The following CACNG3 variants were observed in gnomAD, a reference collection of about 807,000 sequenced individuals.
CACNG3 encodes calcium voltage-gated channel auxiliary subunit gamma 3, also known as voltage-dependent calcium channel gamma-3 subunit.
A neutral mutation model predicts 28.5 loss-of-function variants in CACNG3; 3 were observed. The ratio of observed to expected loss-of-function variants is 0.11; its 90% CI spans 0.05 to 0.27. The LOEUF (loss-of-function observed/expected upper bound fraction) is 0.27, where lower values mean the gene tolerates loss of function less well. Among genes scored for constraint, CACNG3 ranks in the 10% least tolerant of loss-of-function variants. The pLI, the probability that CACNG3 is intolerant of heterozygous loss-of-function variation, is 1.00. For synonymous variants in CACNG3, 174 were observed against 162.2 expected, an observed-to-expected ratio of 1.07 and a Z score of -0.55; for missense variants, 236 against 414.4, an observed-to-expected ratio of 0.57 and a Z score of 3.74.
At chr16:24,284,407 G>C (rs1898867707) in intron 1 of CACNG3, among the ~76,000 whole-genome samples, 1 of 152,044 alleles carries the variant, frequency 6.6e-6, no homozygotes, top group Non-Finnish European at 1.5e-5. Context: ...CCTTTTTCTA[G>C]AGTCATTTTT....
At chr16:24,338,055 G>T (rs575889806) in intron 1 of CACNG3, among the ~76,000 whole-genome samples, 2 of 152,114 alleles carry the variant, frequency 1.3e-5, no homozygotes, top group Non-Finnish European at 1.5e-5. Flanking sequence ...GCAGCTGATG[G>T]ACCCAGTGAA....
chr16:24,322,327 A>G (rs886429599), intron 1 of CACNG3, among the ~76,000 whole-genome samples: 1 of 152,168 alleles, frequency 6.6e-6, no homozygotes, highest in East Asian at 1.9e-4. Context: ...CTATCAGGTC[A>G]TTAGCGCCTC....
chr16:24,273,305 A>G (rs1817879054), intron 1 of CACNG3, among the ~76,000 whole-genome samples: 1 of 152,116 alleles, frequency 6.6e-6, no homozygotes, highest in Admixed American at 6.5e-5. Context: ...TTTATAATCT[A>G]TTGACTTCCT....
intron 1 of CACNG3, among the ~76,000 whole-genome samples, chr16:24,323,042 A>G (rs1217137131): frequency 6.6e-6 from 1 of 152,060 alleles, no homozygotes; most frequent in Non-Finnish European, 1.5e-5. Context: ...CCTGGGTAAC[A>G]TGGCAAGAGC....
At chr16:24,299,139 AG>A (rs1273761229) in intron 1 of CACNG3, among the ~76,000 whole-genome samples, 6 of 152,136 alleles carry the variant, frequency 3.9e-5, no homozygotes, top group South Asian at 2.1e-4. Context: ...CACTTCCTTG[AG>A]GGGGCTGTGT....
chr16:24,297,665 T>C (rs1478308115), intron 1 of CACNG3, among the ~76,000 whole-genome samples: 1 of 152,186 alleles, frequency 6.6e-6, no homozygotes, highest in African/African-American at 2.4e-5. Context: ...AGCTCTGACA[T>C]CTTGCAGCCT....
chr16:24,331,133 G>T (rs1202177535), intron 1 of CACNG3, among the ~76,000 whole-genome samples: 2 of 152,090 alleles, frequency 1.3e-5, no homozygotes, highest in Non-Finnish European at 2.9e-5. Flanking sequence ...TACTGTGTTG[G>T]TGAACATGCC....
chr16:24,295,213 C>T (rs1024435232), intron 1 of CACNG3, among the ~76,000 whole-genome samples: 7 of 152,146 alleles, frequency 4.6e-5, no homozygotes, highest in East Asian at 1.9e-4. Context: ...CCAGACTTGC[C>T]GCCTGAACTG....
chr16:24,297,814 C>A (rs530266945), intron 1 of CACNG3, among the ~76,000 whole-genome samples: 1 of 152,076 alleles, frequency 6.6e-6, no homozygotes, highest in Non-Finnish European at 1.5e-5. Flanking sequence ...GTTTCCTAGA[C>A]GTGGTCAGCA....
chr16:24,347,509 C>T (rs1899886016), intron 2 of CACNG3, among the ~76,000 whole-genome samples: 1 of 152,156 alleles, frequency 6.6e-6, no homozygotes, highest in African/African-American at 2.4e-5. Context: ...TTTTCACTTT[C>T]CCAGGAGGGT....
At chr16:24,286,407 GACACACACAC>G (rs34888406) in intron 1 of CACNG3, among the ~76,000 whole-genome samples, 3 of 136,486 alleles carry the variant, frequency 2.2e-5, no homozygotes, top group South Asian at 4.8e-4. Flanking sequence ...TTAAATGAAG[GACACACACAC>G]ACACACACAC....
chr16:24,324,573 C>T (rs927233216), intron 1 of CACNG3, among the ~76,000 whole-genome samples: 1 of 152,144 alleles, frequency 6.6e-6, no homozygotes, highest in African/African-American at 2.4e-5. Context: ...ACCATTGCCC[C>T]CACCCCAGAT....
rs1899136496 is a variant in CACNG3 at position 24,303,131 on chromosome 16, G to A, written c.212-43603G>A. 2.0e-5 allele frequency among the ~76,000 whole-genome samples: 3 copies of A among 151,938 alleles called. No homozygotes were observed. In the South Asian group the frequency reaches 6.3e-4, roughly 32 times the overall value. ...ACGCTCCCATGGTGATTGTTAAGGT[G>A]CAACTGGGCCTAAAAACAACTGCTT... On this transcript the variant is annotated intron_variant, in intron 1 of 3. Transcript: ENST00000005284.
intron 1 of CACNG3, among the ~76,000 whole-genome samples, chr16:24,322,781 G>A (rs1203784558): frequency 6.6e-6 from 1 of 152,024 alleles, no homozygotes; most frequent in Admixed American, 6.6e-5. Flanking sequence ...CTGTGATTAT[G>A]TCTATAATCT....
intron 3 of CACNG3, among the ~76,000 whole-genome samples, chr16:24,359,752 A>C (rs1464420579): frequency 6.6e-6 from 1 of 152,144 alleles, no homozygotes; most frequent in Non-Finnish European, 1.5e-5. Flanking sequence ...AGTCCCAGCT[A>C]TTCAGGAGGC....
At chr16:24,270,407 A>T (rs1898671111) in intron 1 of CACNG3, among the ~76,000 whole-genome samples, 1 of 152,250 alleles carries the variant, frequency 6.6e-6, no homozygotes, top group African/African-American at 2.4e-5. Context: ...GTTACTTTTC[A>T]CCAAAGATGA....
chr16:24,297,398 T>C (rs571401124), intron 1 of CACNG3, among the ~76,000 whole-genome samples: 25 of 152,240 alleles, frequency 1.6e-4, no homozygotes, highest in Middle Eastern at 6.8e-3. Context: ...TAATGGGCAA[T>C]TGGGGTGAGA....
chr16:24,314,217 CA>C (rs1899315149), intron 1 of CACNG3, among the ~76,000 whole-genome samples: 2 of 152,020 alleles, frequency 1.3e-5, no homozygotes, highest in Non-Finnish European at 2.9e-5. Flanking sequence ...TTATGGGGTC[CA>C]GCACGAAATG....
rs1596620734 is a variant in CACNG3, at chr16:24,266,645, C to T, written c.211+9680C>T. Among the ~76,000 whole-genome samples the T allele has an allele frequency of 3.3e-5, 5 of 152,308 alleles. No homozygotes were observed. In the East Asian group the frequency reaches 9.6e-4, roughly 29 times the overall value. On this transcript the variant is annotated intron_variant, in intron 1 of 3. Transcript: ENST00000005284. ...GAGATAAAGGAGGAGAAGGAGAATT[C>T]AGGATTTGACTAGCGTTTTGTGGGT...
Sources: gnomAD v4.1 joint callset for allele counts (sites outside exome capture counted in the v4.1 genomes callset) on GRCh38, gnomAD v4.1.1 for gene constraint, MANE v1.5 for transcripts, NCBI Gene and HGNC (gene_info 2026-07-23, HGNC 2026-07-21) for gene names.